SIPA1L2: variants seen among roughly 807,000 people sequenced by gnomAD.
The protein encoded by SIPA1L2 is signal-induced proliferation-associated 1-like protein 2.
In SIPA1L2, 56 loss-of-function variants were observed where a neutral mutation model predicts 163.9. The observed-to-expected ratio is 0.34, with a 90% CI of 0.28 to 0.43. The LOEUF (loss-of-function observed/expected upper bound fraction) is 0.43. Among genes scored for constraint, SIPA1L2 ranks in the 20% least tolerant of loss-of-function variants. The pLI, the probability that SIPA1L2 is intolerant of heterozygous loss-of-function variation, is 1.00. For synonymous variants in SIPA1L2, 877 were observed against 865.7 expected, an observed-to-expected ratio of 1.01 and a Z score of -0.23; for missense variants, 1,974 against 2,193.5, an observed-to-expected ratio of 0.90 and a Z score of 2.00.
At chr1:232,604,738 C>G (rs1661799534) in intron 1 of SIPA1L2, among the ~76,000 whole-genome samples, 1 of 152,104 alleles carries the variant, frequency 6.6e-6, no homozygotes, top group Non-Finnish European at 1.5e-5. Context: ...TGGTTTAGCA[C>G]CAGCCTCCTA....
At chr1:232,445,140 A>T (rs1031088798) in intron 11 of SIPA1L2, among the ~76,000 whole-genome samples, 16 of 152,244 alleles carry the variant, frequency 1.1e-4, no homozygotes, top group African/African-American at 3.9e-4. Context: ...TATTACTCAC[A>T]TTATGATGAT....
Position 232,439,176 on chromosome 1 carries a change from G to C in SIPA1L2, c.3963C>G (p.Ser1321=). 6.2e-7 allele frequency: 1 copy of C among 1,613,436 alleles called. No individual in the cohort carries two copies. The highest frequency in any genetic ancestry group is 8.5e-7 in the Non-Finnish European group (1 of 1,179,870). The change falls in exon 15 of 23, where the codon TCC becomes TCG. Residue 1321 remains serine (S), a synonymous_variant. Coordinates refer to ENST00000674635, the MANE Select transcript of SIPA1L2 (RefSeq NM_020808.5). ...CCGCAGCACTGCCGGCGGAGATGGT[G>C]GACGCGTAGCCATGCACAGAATATA... The part of the protein sequence containing the change: ...AKLYSVHGYA[S]TISAGSAAEG...
chr1:232,588,900 A>G (rs1660818828), intron 1 of SIPA1L2, among the ~76,000 whole-genome samples: 1 of 152,200 alleles, frequency 6.6e-6, no homozygotes, highest in Admixed American at 6.5e-5. Context: ...AGGTGGTTAT[A>G]TTGTTATTTT....
At chr1:232,464,682 A>G (rs978104803) in intron 9 of SIPA1L2, among the ~76,000 whole-genome samples, 158 bp downstream of exon 9, 5 of 152,226 alleles carry the variant, frequency 3.3e-5, no homozygotes, top group African/African-American at 1.2e-4. Context: ...ACAACTCCCC[A>G]AAAGGACCCA....
chr1:232,617,719 G>C (rs1662575881), intron 1 of SIPA1L2, among the ~76,000 whole-genome samples: 1 of 152,112 alleles, frequency 6.6e-6, no homozygotes, highest in South Asian at 2.1e-4. Context: ...GGACATCAGA[G>C]AACTTTCAGA....
intron 17 of SIPA1L2, among the ~76,000 whole-genome samples, chr1:232,427,601 G>A (rs1572881361): frequency 9.8e-6 from 1 of 101,684 alleles, no homozygotes; most frequent in African/African-American, 4.1e-5. Flanking sequence ...CTTGCTAAAT[G>A]GGGTGATTGG....
At chr1:232,572,698 TATA>T (rs1182881828) in intron 2 of SIPA1L2, among the ~76,000 whole-genome samples, 1 of 62,496 alleles carries the variant, frequency 1.6e-5, no homozygotes. Context: ...TACATACATA[TATA>T]TATATATATA....
chr1:232,620,561 G>A (rs997949395), intron 1 of SIPA1L2, among the ~76,000 whole-genome samples: 4 of 152,146 alleles, frequency 2.6e-5, no homozygotes, highest in Admixed American at 6.5e-5. Context: ...ACTAAGTTAC[G>A]GTGCCAAGCT....
intron 7 of SIPA1L2, among the ~76,000 whole-genome samples, chr1:232,474,637 T>G (rs1230598329): frequency 1.3e-5 from 2 of 152,154 alleles, no homozygotes; most frequent in African/African-American, 4.8e-5. Context: ...AACACAAAGA[T>G]AAGTGTTTGT....
chr1:232,420,049 C>T lies in SIPA1L2; in HGVS notation c.4631-4424G>A, dbSNP rs545113838. Among the ~76,000 whole-genome samples the T allele has an allele frequency of 1.7e-3, 263 of 152,212 alleles. 1 individual carries two copies. Among genetic ancestry groups the T allele is most frequent in the African/African-American group, 6.0e-3 (248 of 41,536 alleles). On this transcript the variant is annotated intron_variant, in intron 18 of 22. Transcript: ENST00000674635. ...GGATATGCACAGTGCTGGCTGAGCG[C>T]GGTGGCTCACACCTGTAATCCCAGC...
chr1:232,456,742 A>T (rs2102905844), intron 10 of SIPA1L2, among the ~76,000 whole-genome samples: 1 of 152,332 alleles, frequency 6.6e-6, no homozygotes, highest in East Asian at 1.9e-4. Context: ...CAAAAACAAG[A>T]CAGATCTTAA....
At chr1:232,546,633 AAC>A in intron 2 of SIPA1L2, among the ~76,000 whole-genome samples, 1 of 152,332 alleles carries the variant, frequency 6.6e-6, no homozygotes, top group South Asian at 2.1e-4. Context: ...TGCACTAATG[AAC>A]ACAGTTCATT....
intron 1 of SIPA1L2, among the ~76,000 whole-genome samples, chr1:232,597,203 C>T (rs567081113): frequency 3.9e-5 from 6 of 152,304 alleles, no homozygotes; most frequent in African/African-American, 1.4e-4. Context: ...CCGATGAATA[C>T]AGCCAAAATT....
At chr1:232,442,255 G>GAA (rs569555017) in intron 12 of SIPA1L2, among the ~76,000 whole-genome samples, 3 of 142,588 alleles carry the variant, frequency 2.1e-5, no homozygotes, top group South Asian at 2.2e-4. Context: ...TTTTTCTTAA[G>GAA]AAAAAAAAAA....
At chr1:232,500,472 A>G (rs573280791) in intron 3 of SIPA1L2, among the ~76,000 whole-genome samples, 34 of 152,356 alleles carry the variant, frequency 2.2e-4, no homozygotes, top group Non-Finnish European at 4.3e-4. Context: ...ATATAAACTT[A>G]ACAGAAATTT....
chr1:232,426,578 T>G (rs1313988387), intron 17 of SIPA1L2, among the ~76,000 whole-genome samples: 1 of 152,072 alleles, frequency 6.6e-6, no homozygotes, highest in Non-Finnish European at 1.5e-5. Context: ...GAGAATGGCA[T>G]GAACCTGGGA....
chr1:232,503,528 C>T (rs1572995351), intron 3 of SIPA1L2, among the ~76,000 whole-genome samples: 2 of 152,338 alleles, frequency 1.3e-5, no homozygotes, highest in Admixed American at 6.5e-5. Flanking sequence ...CTCTGCCTTA[C>T]AGGATTTATC....
chr1:232,556,966 C>T (rs1219636404), intron 2 of SIPA1L2, among the ~76,000 whole-genome samples: 1 of 151,994 alleles, frequency 6.6e-6, no homozygotes. Flanking sequence ...GGACAACAGT[C>T]AAGAATGGAG....
intron 2 of SIPA1L2, among the ~76,000 whole-genome samples, chr1:232,540,102 G>T (rs867659898): frequency 1.3e-5 from 2 of 152,066 alleles, no homozygotes; most frequent in Non-Finnish European, 2.9e-5. Context: ...TCAGGAGTTC[G>T]AAACCAGCCT....
Sources: allele counts gnomAD v4.1 joint callset (sites outside exome capture counted in the v4.1 genomes callset), GRCh38; gene constraint gnomAD v4.1.1; transcripts MANE v1.5; gene names NCBI Gene and HGNC (gene_info 2026-07-23, HGNC 2026-07-21).